MYH11: variants seen among roughly 807,000 people sequenced by gnomAD.
MYH11 encodes myosin-11.
In MYH11, 80 loss-of-function variants were observed where a neutral mutation model predicts 246.6. The observed-to-expected ratio is 0.32, with a 90% CI of 0.27 to 0.39. The LOEUF (loss-of-function observed/expected upper bound fraction) is 0.39, where lower values mean the gene tolerates loss of function less well. Among genes scored for constraint, MYH11 ranks in the 10% least tolerant of loss-of-function variants. MYH11 has a pLI of 1.00. For missense variants in MYH11, 2,158 were observed against 2,546.8 expected, an observed-to-expected ratio of 0.85 and a Z score of 3.29; for synonymous variants, 1,071 against 1,015.5, an observed-to-expected ratio of 1.05 and a Z score of -1.04.
At chr16:15,715,566 CAG>C (rs1276922209) in intron 38 of MYH11, among the ~76,000 whole-genome samples, 3 of 152,256 alleles carry the variant, frequency 2.0e-5, no homozygotes, top group South Asian at 2.1e-4. Context: ...TTCATAGAGA[CAG>C]AAAGTAGATT....
chr16:15,725,363 G>C (rs1341882579), intron 28 of MYH11: 1 of 557,232 alleles, frequency 1.8e-6, no homozygotes, highest in Non-Finnish European at 3.1e-6. Context: ...AGGTGCTCTG[G>C]CTGGTCCACT....
At chr16:15,816,584 G>C (rs554777026) in intron 3 of MYH11, among the ~76,000 whole-genome samples, 37 of 152,218 alleles carry the variant, frequency 2.4e-4, no homozygotes, top group African/African-American at 6.5e-4. Context: ...TGAACACTGA[G>C]TTTGTCAAAA....
At chr16:15,719,149 T>C in intron 36 of MYH11, 71 bp downstream of exon 36, 1 of 1,456,470 alleles carries the variant, frequency 6.9e-7, no homozygotes, top group Non-Finnish European at 9.6e-7. Context: ...AAAAATAAAA[T>C]GGGGGTCGAG....
chr16:15,772,659 G>A (rs2042131569), intron 8 of MYH11, among the ~76,000 whole-genome samples: 1 of 151,966 alleles, frequency 6.6e-6, no homozygotes, highest in Admixed American at 6.6e-5. Context: ...ATAGGCCAAG[G>A]GTTCCCCAAC....
intron 2 of MYH11, among the ~76,000 whole-genome samples, chr16:15,834,290 G>T (rs2043830959): frequency 6.6e-6 from 1 of 152,086 alleles, no homozygotes; most frequent in African/African-American, 2.4e-5. Context: ...ACTTTGGGAG[G>T]CCGAGGCAAG....
chr16:15,721,126 GCACCTCAGGAGAT>G, intron 32 of MYH11, 75 bp from the exon 33 acceptor site: 1 of 1,514,604 alleles, frequency 6.6e-7, no homozygotes, highest in Admixed American at 1.7e-5. Context: ...ACCGTGAGCG[GCACCTCAGGAGAT>G]CAGGGAGGTG....
intron 22 of MYH11, chr16:15,741,136 A>G (rs968834911): frequency 2.1e-5 from 10 of 467,960 alleles, no homozygotes; most frequent in Non-Finnish European, 3.2e-5. Flanking sequence ...ATTCCTGACT[A>G]TGCAATACTT....
intron 3 of MYH11, 129 bp downstream of exon 3, chr16:15,823,126 T>C (rs1045127603): frequency 5.2e-6 from 7 of 1,354,676 alleles, no homozygotes; most frequent in African/African-American, 4.3e-5. Flanking sequence ...CTTTTTCCCT[T>C]TTTCAGCCAC....
At chr16:15,788,542 AAAG>A (rs2042532017) in intron 4 of MYH11, among the ~76,000 whole-genome samples, 1 of 152,076 alleles carries the variant, frequency 6.6e-6, no homozygotes, top group Non-Finnish European at 1.5e-5. Context: ...AGAAAAGAAA[AAAG>A]AAAGAGAAAG....
intron 8 of MYH11, 81 bp from the exon 9 acceptor site, chr16:15,771,793 T>A (rs1020832296): frequency 2.3e-5 from 35 of 1,551,940 alleles, no homozygotes; most frequent in Non-Finnish European, 3.0e-5. Context: ...GTCAAGGGTC[T>A]GGGCCATCAT....
intron 4 of MYH11, among the ~76,000 whole-genome samples, chr16:15,796,421 GCATAGCTA>G (rs1354224944): frequency 6.6e-6 from 1 of 152,164 alleles, no homozygotes; most frequent in Non-Finnish European, 1.5e-5. Flanking sequence ...AGTGACCCGT[GCATAGCTA>G]CATAGCTAGG....
At chr16:15,719,329 C>T in intron 35 of MYH11, 21 bp from the exon 36 acceptor site, 3 of 1,607,312 alleles carry the variant, frequency 1.9e-6, no homozygotes, top group South Asian at 2.2e-5. Flanking sequence ...GGGAGGAAGG[C>T]TGTTGTCTGC....
At chr16:15,844,974 T>C (rs2044148894) in intron 1 of MYH11, among the ~76,000 whole-genome samples, 2 of 152,330 alleles carry the variant, frequency 1.3e-5, no homozygotes, top group Non-Finnish European at 2.9e-5. Flanking sequence ...TTTGATTGGT[T>C]GCCTCCTCTT....
At position 15,821,790 on chromosome 16, in the gene MYH11, C is replaced by T. The variant is rs1190567517; in HGVS notation, c.502+1465G>A. ...AAAATTAGCCGGGCGCGGTGGCGGG[C>T]GCCTGTAGTCCCAGCTACTCGGGAG... On this transcript the variant is annotated intron_variant, in intron 3 of 40. Transcript: ENST00000300036. 2.1e-5 allele frequency among the ~76,000 whole-genome samples: 3 copies of T among 144,576 alleles called. 1 individual carries two copies. Among genetic ancestry groups the T allele is most frequent in the African/African-American group, 7.7e-5 (3 of 38,948 alleles). The allele number at this position is 144,576 out of a possible 152,430, so 94.8% of individuals were successfully genotyped here. A position where few individuals can be genotyped will look rare whatever the true frequency, so the allele number is the denominator to read the frequency against.
chr16:15,760,852 T>C (rs1158260940), intron 10 of MYH11, among the ~76,000 whole-genome samples, 194 bp from the exon 11 acceptor site: 2 of 152,210 alleles, frequency 1.3e-5, no homozygotes, highest in African/African-American at 4.8e-5. Context: ...AGTATTTTGC[T>C]GAGAGGCAAT....
At chr16:15,713,824 T>G (rs541560673) in intron 40 of MYH11, 1 of 152,620 alleles carries the variant, frequency 6.6e-6, no homozygotes, top group South Asian at 2.1e-4. Context: ...ACCAAATGAT[T>G]GCAGCAATGC....
At chr16:15,811,895 T>C (rs765287431) in intron 3 of MYH11, among the ~76,000 whole-genome samples, 4 of 152,176 alleles carry the variant, frequency 2.6e-5, no homozygotes, top group Non-Finnish European at 5.9e-5. Context: ...CTATCTTGCA[T>C]AGGGCAAGTG....
Position 15,724,672 on chromosome 16 carries a change from C to T in MYH11, c.4091G>A (p.Arg1364His), listed in dbSNP as rs747473469. 1.2e-5 allele frequency: 20 copies of T among 1,614,030 alleles called. No individual in the cohort carries two copies. Among genetic ancestry groups the T allele is most frequent in the Admixed American group, 1.2e-4 (7 of 60,002 alleles). ...CTGGATGTTGAGAGTGGAGATGTGG[C>T]GCTCCAGGTTCTGCTTGGCCTCCAT... ...EEMEAKQNLERHISTLNIQLS... is the reference protein window; with the variant it reads ...EEMEAKQNLEHHISTLNIQLS... Residue 1364 changes from arginine to histidine, a missense_variant, in exon 30 of 41, where the codon CGC becomes CAC. Transcript: ENST00000300036.
rs932763548 is a variant in MYH11 at position 15,712,720 on chromosome 16, C to T, written c.5786+2189G>A. 5.9e-5 allele frequency among the ~76,000 whole-genome samples: 9 copies of T among 151,806 alleles called. No individual in the cohort carries two copies. The South Asian group carries it at 6.2e-4, about 11-fold the overall frequency. On this transcript the variant is annotated intron_variant, in intron 40 of 40. Transcript: ENST00000300036. ...GGGGACAAGCAGGTGTGGATGGTGT[C>T]GGGGAAGTCCAGGGAAGCAAGTGAA...
Sources: allele counts gnomAD v4.1 joint callset (sites outside exome capture counted in the v4.1 genomes callset), GRCh38; gene constraint gnomAD v4.1.1; transcripts MANE v1.5; gene names NCBI Gene and HGNC (gene_info 2026-07-23, HGNC 2026-07-21).